The following SLC16A9 variants were observed in gnomAD, a reference collection of about 807,000 sequenced individuals.
The protein encoded by SLC16A9 is solute carrier family 16 member 9.
SLC16A9 carries 26 observed loss-of-function variants against 44.3 expected under a neutral mutation model. The ratio of observed to expected loss-of-function variants is 0.59; its 90% confidence interval spans 0.43 to 0.81. The LOEUF (loss-of-function observed/expected upper bound fraction) is 0.81, where lower values mean the gene tolerates loss of function less well. Ranked by LOEUF, SLC16A9 falls within the 40% of genes least tolerant of loss-of-function variation. The pLI is 0.00. For missense variants in SLC16A9, 559 were observed against 595.8 expected, an observed-to-expected ratio of 0.94 and a Z score of 0.64; for synonymous variants, 230 against 225.1, an observed-to-expected ratio of 1.02 and a Z score of -0.19.
chr10:59,688,612 G>C (rs1315573365), intron 1 of SLC16A9, among the ~76,000 whole-genome samples: 2 of 151,762 alleles, frequency 1.3e-5, no homozygotes, highest in African/African-American at 4.8e-5. Flanking sequence ...ATGCAATTCT[G>C]ATCTTTCTAA....
intron 1 of SLC16A9, among the ~76,000 whole-genome samples, chr10:59,695,964 A>G (rs1322657693): frequency 6.6e-6 from 1 of 152,202 alleles, no homozygotes; most frequent in East Asian, 1.9e-4. Flanking sequence ...GTAGACAGGA[A>G]GAAGGCACAT....
chr10:59,673,247 A>T (rs1417257097), intron 2 of SLC16A9, among the ~76,000 whole-genome samples: 1 of 152,162 alleles, frequency 6.6e-6, no homozygotes, highest in East Asian at 1.9e-4. Flanking sequence ...AACTTATTTG[A>T]TCATTCTGTG....
chr10:59,692,303 T>C (rs762718600), intron 1 of SLC16A9, among the ~76,000 whole-genome samples: 2 of 152,136 alleles, frequency 1.3e-5, no homozygotes, highest in African/African-American at 2.4e-5. Context: ...TTATGACACT[T>C]TAAGGCTATA....
chr10:59,654,421 AT>A lies in SLC16A9; in HGVS notation c.604del (p.Ile202Ter). On this transcript the variant is annotated frameshift_variant, in exon 5 of 6. Transcript: ENST00000395348. LOFTEE classifies it high-confidence loss of function. ...TTTATCTGGTAGATCTTCTGGAGCT[AT>A]TTTTTTAGGCAAAGGACAATCAGAA... ...QSSDCPLPKK[I>X]APEDLPDKYS... 2 of 1,613,530 alleles carry A rather than the reference AT, an allele frequency of 1.2e-6. No individual in the cohort carries two copies. Among genetic ancestry groups the A allele is most frequent in the Non-Finnish European group, 8.5e-7 (1 of 1,179,998 alleles).
At chr10:59,699,729 A>C (rs1264587227) in intron 1 of SLC16A9, among the ~76,000 whole-genome samples, 2 of 151,978 alleles carry the variant, frequency 1.3e-5, no homozygotes, top group Non-Finnish European at 2.9e-5. Context: ...ACTGGTAGTC[A>C]GAAAAAGTTA....
chr10:59,682,913 A>G (rs541361669), intron 2 of SLC16A9, among the ~76,000 whole-genome samples: 1 of 152,182 alleles, frequency 6.6e-6, no homozygotes, highest in East Asian at 1.9e-4. Context: ...TAATCATCTT[A>G]TCTGACATAG....
At chr10:59,682,947 T>C (rs1390124277) in intron 2 of SLC16A9, among the ~76,000 whole-genome samples, 1 of 152,220 alleles carries the variant, frequency 6.6e-6, no homozygotes, top group Non-Finnish European at 1.5e-5. Context: ...CATTGTTTTT[T>C]AAGCCTTTTT....
rs779475716 is a variant in SLC16A9 at position 59,653,838 on chromosome 10, G to T, written c.1188C>A (p.Val396=). 1 of 1,614,118 alleles carries T rather than the reference G, an allele frequency of 6.2e-7. No homozygotes were observed. Among genetic ancestry groups the T allele is most frequent in the East Asian group, 2.2e-5 (1 of 44,862 alleles). Residue 396 remains valine, a synonymous_variant, in exon 5 of 6, where the codon GTC becomes GTA. Transcript: ENST00000395348. ...LCAIPFAKSY[V]TLALLSGILG... ...GGATCCCAGAAAGCAACGCCAATGT[G>T]ACATAGCTTTTGGCAAATGGAATTG... is the stretch of plus-strand genomic sequence containing the variant.
chr10:59,674,488 T>C (rs1373341562), intron 2 of SLC16A9, among the ~76,000 whole-genome samples: 2 of 152,138 alleles, frequency 1.3e-5, no homozygotes, highest in Admixed American at 6.6e-5. Context: ...GCATGACAAA[T>C]AGAGGGAAAT....
intron 4 of SLC16A9, among the ~76,000 whole-genome samples, chr10:59,663,221 C>T (rs1462751080): frequency 6.6e-6 from 1 of 151,998 alleles, no homozygotes; most frequent in Non-Finnish European, 1.5e-5. Flanking sequence ...ATTAGCTGGG[C>T]TTGGTGGCAC....
chr10:59,677,722 G>T (rs1481586325), intron 2 of SLC16A9, among the ~76,000 whole-genome samples: 1 of 152,050 alleles, frequency 6.6e-6, no homozygotes, highest in Non-Finnish European at 1.5e-5. Context: ...TCAACAAAAG[G>T]GATGAACATC....
Position 59,653,734 on chromosome 10 carries a change from G to T in SLC16A9, c.1292C>A (p.Ala431Asp), listed in dbSNP as rs948084691. 6.2e-7 allele frequency: 1 copy of T among 1,613,956 alleles called. No homozygotes were observed. The highest frequency in any genetic ancestry group is 8.5e-7 in the Non-Finnish European group (1 of 1,179,956). The change falls in exon 5 of 6, where the codon GCC becomes GAC. Residue 431 changes from alanine (A) to aspartate (D), a missense_variant. Transcript: ENST00000395348. ...AGCAAAGAACATTAATATCCCATAG[G>T]CATGGGCTAATTTTTCAATTCCCAC... ...KTVGIEKLAH[A>D]YGILMFFAGL...
At chr10:59,693,629 A>ATTTATTTT (rs1170044102) in intron 1 of SLC16A9, among the ~76,000 whole-genome samples, 1 of 129,368 alleles carries the variant, frequency 7.7e-6, no homozygotes, top group Non-Finnish European at 1.7e-5. Context: ...TTATTTATTT[A>ATTTATTTT]TTTATTTTGA....
chr10:59,684,056 T>C (rs1840077623), intron 2 of SLC16A9, 40 bp downstream of exon 2: 10 of 1,521,016 alleles, frequency 6.6e-6, no homozygotes, highest in Non-Finnish European at 9.0e-6. Context: ...TGTAATTAAA[T>C]GATTAAAGAG....
Position 59,659,483 on chromosome 10 carries a change from C to T in SLC16A9, c.436+4744G>A, listed in dbSNP as rs142747992. The stretch of plus-strand genomic sequence containing the variant: ...AATATATATGCACCCAATACAGGAG[C>T]ACCCATATTCATAAAGCAAGTTCTT... On this transcript the variant is annotated intron_variant, in intron 4 of 5. Transcript: ENST00000395348. Among the ~76,000 whole-genome samples, 333 of 152,242 alleles carry T rather than the reference C, an allele frequency of 2.2e-3. 1 individual carries two copies. Among genetic ancestry groups the T allele is most frequent in the African/African-American group, 7.6e-3 (317 of 41,534 alleles).
chr10:59,682,851 GT>G (rs1252834134), intron 2 of SLC16A9, among the ~76,000 whole-genome samples: 2 of 151,778 alleles, frequency 1.3e-5, no homozygotes, highest in East Asian at 3.9e-4. Flanking sequence ...AACGTTCCCT[GT>G]TTCCCTTGAG....
chr10:59,669,866 GT>G (rs927857986), intron 3 of SLC16A9, among the ~76,000 whole-genome samples: 90 of 152,070 alleles, frequency 5.9e-4, no homozygotes, highest in African/African-American at 2.2e-3. Context: ...TACTGATATG[GT>G]ATCAAGTTCC....
chr10:59,654,570 G>A lies in SLC16A9; in HGVS notation c.456C>T (p.Phe152=), dbSNP rs1839306112. The part of the protein sequence containing the change: ...LISTGSSVGL[F]IYAALQRMLV... ...GCATCCTCTGCAGAGCAGCATATAT[G>A]AAAAGGCCAACGCTTGAACCTAAAA... Residue 152 remains phenylalanine, a synonymous_variant, in exon 5 of 6, where the codon TTC becomes TTT. Coordinates refer to ENST00000395348, the MANE Select transcript of SLC16A9 (RefSeq NM_194298.3). The A allele has an allele frequency of 1.3e-6, 2 of 1,589,588 alleles. No individual in the cohort carries two copies. The highest frequency in any genetic ancestry group is 1.7e-6 in the Non-Finnish European group (2 of 1,173,066).
intron 3 of SLC16A9, among the ~76,000 whole-genome samples, chr10:59,669,048 G>A (rs1191789818): frequency 6.6e-6 from 1 of 152,196 alleles, no homozygotes; most frequent in East Asian, 1.9e-4. Flanking sequence ...AGTGGTGGGA[G>A]GTGAGGGGAA....
Sources: gnomAD v4.1 joint callset for allele counts (sites outside exome capture counted in the v4.1 genomes callset) on GRCh38, gnomAD v4.1.1 for gene constraint, MANE v1.5 for transcripts, NCBI Gene and HGNC (gene_info 2026-07-23, HGNC 2026-07-21) for gene names.